Variants in PXDN observed in about 807,000 individuals in gnomAD.
PXDN encodes peroxidasin homolog.
Under a neutral mutation model 140.3 loss-of-function variants are expected in PXDN, and 77 were observed. That is an observed-to-expected ratio of 0.55 (90% CI 0.46 to 0.66). PXDN has a LOEUF of 0.66. Ranked by LOEUF, PXDN falls within the 30% of genes least tolerant of loss-of-function variation. The pLI is 0.00. For synonymous variants in PXDN, 911 were observed against 857.4 expected, an observed-to-expected ratio of 1.06 and a Z score of -1.09; for missense variants, 1,838 against 2,039.5, an observed-to-expected ratio of 0.90 and a Z score of 1.90.
In PXDN at chr2:1,714,742, C is replaced by T. The variant is rs1182231342; in HGVS notation, c.201-21608G>A. 1.3e-5 allele frequency among the ~76,000 whole-genome samples: 2 copies of T among 152,166 alleles called. No homozygotes were observed. Among genetic ancestry groups the T allele is most frequent in the Admixed American group, 6.5e-5 (1 of 15,274 alleles). Reference sequence around the variant, plus strand: ...ATGTCCACAGCATGAAATATTTACTCTTCTTTTGATTTTTTTCAGACATTT... The same window carrying T: ...ATGTCCACAGCATGAAATATTTACTTTTCTTTTGATTTTTTTCAGACATTT... On this transcript the variant is annotated intron_variant, in intron 1 of 22. Transcript: ENST00000252804. The surrounding 1 kb of genome is among the most constrained non-coding windows in gnomAD (Gnocchi z 4.3).
In PXDN at chr2:1,638,928, G is replaced by A. The variant is rs61747875; in HGVS notation, c.4124C>T (p.Thr1375Ile). Residue 1375 changes from threonine to isoleucine, a missense_variant, in exon 21 of 23, where the codon ACA (threonine) becomes ATA (isoleucine). By Grantham distance (89) the Thr-to-Ile change is moderately conservative. Coordinates refer to ENST00000252804, the MANE Select transcript of PXDN (RefSeq NM_012293.3). ...HLSNSTSAFS[T>I]RSDASGTNDF... ...ATTTGTCCCAGATGCATCTGAGCGT[G>A]TGCTGAAGGCTGAGGTGCTGTTGCT... 2,805 of 1,613,964 alleles carry A rather than the reference G, an allele frequency of 1.7e-3. 35 individuals carry two copies. In the African/African-American group the frequency reaches 0.028, roughly 16 times the overall value.
intron 19 of PXDN, among the ~76,000 whole-genome samples, chr2:1,642,050 G>A (rs1245575132): frequency 6.6e-6 from 1 of 152,182 alleles, no homozygotes; most frequent in African/African-American, 2.4e-5. Flanking sequence ...TCCAACAGAT[G>A]TAATAACAAG....
At chr2:1,637,769 G>A (rs1280968444) in intron 21 of PXDN, among the ~76,000 whole-genome samples, 2 of 151,454 alleles carry the variant, frequency 1.3e-5, no homozygotes, top group Non-Finnish European at 2.9e-5. Context: ...CCTGCCACAC[G>A]CTGTCCACTC....
At chr2:1,647,459 T>G (rs975276031) in intron 17 of PXDN, among the ~76,000 whole-genome samples, 2 of 152,156 alleles carry the variant, frequency 1.3e-5, no homozygotes. Context: ...TGTAAAACTT[T>G]GCCATTTTTT....
At chr2:1,692,691 CAGA>C in intron 2 of PXDN, 1 of 453,554 alleles carries the variant, frequency 2.2e-6, no homozygotes, top group South Asian at 1.6e-5. Flanking sequence ...ACTCCACACT[CAGA>C]AGAAGCACTG....
rs776873738 is a variant in PXDN, at chr2:1,663,595, T to C, written c.1567+10A>G. ...AAAATCAATTCAGTCCACAACCTCCTGGCACCTACCTCTGGGCTGCACAGT... is the reference window on the plus strand; with the variant it reads ...AAAATCAATTCAGTCCACAACCTCCCGGCACCTACCTCTGGGCTGCACAGT... On this transcript the variant is annotated intron_variant, in intron 12 of 22. Coordinates refer to ENST00000252804, the MANE Select transcript of PXDN (RefSeq NM_012293.3). 5 of 1,613,720 alleles carry C rather than the reference T, an allele frequency of 3.1e-6. No individual in the cohort carries two copies. The highest frequency in any genetic ancestry group is 4.2e-6 in the Non-Finnish European group (5 of 1,179,792).
intron 7 of PXDN, among the ~76,000 whole-genome samples, chr2:1,679,813 G>A (rs56035160): frequency 0.12 from 17,597 of 142,990 alleles, 1,300 homozygotes; most frequent in Non-Finnish European, 0.14. Context: ...AATGGTGTGT[G>A]TGTAAATGGT....
chr2:1,658,520 G>A (rs951449720), intron 14 of PXDN, among the ~76,000 whole-genome samples: 1 of 151,608 alleles, frequency 6.6e-6, no homozygotes, highest in Non-Finnish European at 1.5e-5. Flanking sequence ...CTGTGGGCCC[G>A]GGTGCAGGCA....
In PXDN at chr2:1,657,431, C is replaced by G. The variant is rs182983198; in HGVS notation, c.1838-2923G>C. Among the ~76,000 whole-genome samples the G allele has an allele frequency of 4.2e-4, 63 of 151,804 alleles. No homozygotes were observed. The East Asian group carries it at 0.011, about 27-fold the overall frequency. ...GGACCTGCCCTGTCCTAACTGAAAC[C>G]TGCCGCCTCCTGTCAGGGACCTACC... On this transcript the variant is annotated intron_variant, in intron 14 of 22. Transcript: ENST00000252804.
chr2:1,658,822 C>G (rs1332244750), intron 14 of PXDN, among the ~76,000 whole-genome samples: 1 of 147,906 alleles, frequency 6.8e-6, no homozygotes, highest in East Asian at 2.1e-4. Context: ...CAGGCTGCCC[C>G]TGCCACCCCC....
chr2:1,665,870 G>GT (rs1683421396), intron 10 of PXDN, among the ~76,000 whole-genome samples: 1 of 152,200 alleles, frequency 6.6e-6, no homozygotes, highest in Non-Finnish European at 1.5e-5. Context: ...TCTGCAAGGT[G>GT]TATCAACCAC....
At position 1,633,276 on chromosome 2, in the gene PXDN, G is replaced by A. The variant is rs1337906836; in HGVS notation, c.*928C>T. The A allele has an allele frequency of 6.6e-6, 1 of 151,460 alleles. No homozygotes were observed. Among genetic ancestry groups the A allele is most frequent in the Non-Finnish European group, 1.5e-5 (1 of 67,972 alleles). The allele number at this position is 151,460 out of a possible 1,614,324, so 9.4% of individuals were successfully genotyped here. ...CCATCCGGAAGCGGCTCTTGTTCAG[G>A]ACGTGGACGCAACCAGGGCCGGCTG... On this transcript the variant is annotated 3_prime_UTR_variant, in exon 23 of 23. Transcript: ENST00000252804.
chr2:1,729,504 G>A (rs1685263959), intron 1 of PXDN, among the ~76,000 whole-genome samples: 1 of 151,704 alleles, frequency 6.6e-6, no homozygotes, highest in South Asian at 2.1e-4. Context: ...AAAGCCCACC[G>A]TAGGCCAACC....
chr2:1,697,430 T>G (rs1684322939), intron 1 of PXDN, among the ~76,000 whole-genome samples: 1 of 152,176 alleles, frequency 6.6e-6, no homozygotes, highest in Non-Finnish European at 1.5e-5. Flanking sequence ...TAAATTTAAG[T>G]GCCACATGTA....
chr2:1,657,672 A>G (rs1240253986), intron 14 of PXDN, among the ~76,000 whole-genome samples: 1 of 149,794 alleles, frequency 6.7e-6, no homozygotes, highest in African/African-American at 2.5e-5. Flanking sequence ...CACTCCTGAC[A>G]GGGACCAGCC....
intron 1 of PXDN, among the ~76,000 whole-genome samples, chr2:1,717,948 G>C (rs13010661): frequency 0.018 from 2,540 of 143,390 alleles, 33 homozygotes; most frequent in Middle Eastern, 0.066. Context: ...ACCCAAACCT[G>C]CTCTACCCAC....
intron 7 of PXDN, among the ~76,000 whole-genome samples, chr2:1,678,381 C>T (rs1683782005): frequency 6.6e-6 from 1 of 152,206 alleles, no homozygotes; most frequent in South Asian, 2.1e-4. Flanking sequence ...GGCTGCACAA[C>T]CCTGCAGACA....
At chr2:1,744,176 C>G in intron 1 of PXDN, 80 bp downstream of exon 1, 1 of 1,327,054 alleles carries the variant, frequency 7.5e-7, no homozygotes, top group Non-Finnish European at 9.7e-7. Context: ...TCCGCGCCCC[C>G]CACCTCCGAT....
In PXDN at chr2:1,676,920, A is replaced by T; in HGVS notation, c.848+7T>A. 6.2e-7 allele frequency: 1 copy of T among 1,607,640 alleles called. No individual in the cohort carries two copies. ...CACAGGGGCATTTCTGTTTGGCCCCAACTCACTTGTTTCGCAGCCAGATGA... is the reference window on the plus strand; with the variant it reads ...CACAGGGGCATTTCTGTTTGGCCCCTACTCACTTGTTTCGCAGCCAGATGA... On this transcript the variant is annotated splice_region_variant and intron_variant, in intron 8 of 22. Transcript: ENST00000252804.
Sources: gnomAD v4.1 joint callset for allele counts (sites outside exome capture counted in the v4.1 genomes callset) on GRCh38, gnomAD v4.1.1 for gene constraint, Gnocchi (gnomAD v3.1) non-coding constraint, MANE v1.5 for transcripts, NCBI Gene and HGNC (gene_info 2026-07-23, HGNC 2026-07-21) for gene names.